The following DAAM1 variants were observed in gnomAD, a reference collection of about 807,000 sequenced individuals.
The protein encoded by DAAM1 is dishevelled associated activator of morphogenesis 1, also known as disheveled-associated activator of morphogenesis 1.
A neutral mutation model predicts 130.0 loss-of-function variants in DAAM1; 52 were observed. The observed-to-expected ratio is 0.40, with a 90% CI of 0.32 to 0.50. The LOEUF (loss-of-function observed/expected upper bound fraction) is 0.50. DAAM1 is among the 20% of genes least tolerant of loss of function. DAAM1 has a pLI of 0.61. For synonymous variants in DAAM1, 452 were observed against 444.5 expected (o/e 1.02, Z -0.21); for missense variants, 1,134 against 1,303.8 (o/e 0.87, Z 2.01).
intron 1 of DAAM1, among the ~76,000 whole-genome samples, chr14:59,218,141 G>GA (rs1888650613): frequency 6.6e-6 from 1 of 151,864 alleles, no homozygotes; most frequent in Non-Finnish European, 1.5e-5. Context: ...TCCAAAAAAA[G>GA]AAAAAAATTC....
At chr14:59,349,597 C>T (rs1411065388) in intron 17 of DAAM1, among the ~76,000 whole-genome samples, 2 of 152,234 alleles carry the variant, frequency 1.3e-5, no homozygotes, top group Non-Finnish European at 1.5e-5. Flanking sequence ...TTTCCTTACT[C>T]CGATTTAGGA....
intron 1 of DAAM1, among the ~76,000 whole-genome samples, chr14:59,249,081 C>T (rs1207823893): frequency 6.6e-6 from 1 of 152,218 alleles, no homozygotes; most frequent in African/African-American, 2.4e-5. Flanking sequence ...GCCACCGCGC[C>T]TGGCCCATCC....
At chr14:59,351,869 C>G (rs1274938307) in intron 17 of DAAM1, among the ~76,000 whole-genome samples, 1 of 152,052 alleles carries the variant, frequency 6.6e-6, no homozygotes, top group Non-Finnish European at 1.5e-5. Context: ...TACAGAAGCA[C>G]TGTTTCAGTT....
intron 3 of DAAM1, among the ~76,000 whole-genome samples, chr14:59,296,544 A>G (rs1883961539): frequency 6.6e-6 from 1 of 152,196 alleles, no homozygotes; most frequent in African/African-American, 2.4e-5. Context: ...ATAGTAATCA[A>G]ATGTTGTCAT....
chr14:59,273,005 G>A (rs1178035948), intron 2 of DAAM1, among the ~76,000 whole-genome samples: 1 of 152,144 alleles, frequency 6.6e-6, no homozygotes, highest in Admixed American at 6.6e-5. Flanking sequence ...CTGTACTTCT[G>A]AATAGAACAT....
intron 2 of DAAM1, among the ~76,000 whole-genome samples, chr14:59,284,662 A>G (rs894238541): frequency 6.6e-6 from 1 of 152,158 alleles, no homozygotes; most frequent in Non-Finnish European, 1.5e-5. Flanking sequence ...CACTACAGGA[A>G]TTTCAAAATA....
intron 16 of DAAM1, among the ~76,000 whole-genome samples, chr14:59,342,896 A>G (rs765939577): frequency 6.6e-6 from 1 of 152,186 alleles, no homozygotes; most frequent in Non-Finnish European, 1.5e-5. Flanking sequence ...AAGATGTGGG[A>G]GGGACATAAG....
intron 1 of DAAM1, among the ~76,000 whole-genome samples, chr14:59,228,060 G>A (rs1165519096): frequency 1.3e-5 from 2 of 151,960 alleles, no homozygotes; most frequent in East Asian, 3.9e-4. Flanking sequence ...AAGAAGTCCT[G>A]GAATTACATG....
chr14:59,207,230 A>G (rs900334446), intron 1 of DAAM1, among the ~76,000 whole-genome samples: 8 of 152,220 alleles, frequency 5.3e-5, no homozygotes, highest in African/African-American at 1.9e-4. Context: ...CGTAAAATGC[A>G]ATGTTTGCTT....
Position 59,370,135 on chromosome 14 carries a change from A to C in DAAM1, c.*1276A>C, listed in dbSNP as rs1167913112. On this transcript the variant is annotated 3_prime_UTR_variant, in exon 25 of 25. Coordinates refer to ENST00000360909, the MANE Select transcript of DAAM1 (RefSeq NM_001270520.2). ...TATGTGATATATAAAGAGGACTGTTACTTTTTTACTTTTTTTTTTTTTTTT... is the reference window on the plus strand; with the variant it reads ...TATGTGATATATAAAGAGGACTGTTCCTTTTTTACTTTTTTTTTTTTTTTT... 1 of 100,966 alleles carries C rather than the reference A, an allele frequency of 9.9e-6. No homozygotes were observed. The highest frequency in any genetic ancestry group is 4.0e-5 in the African/African-American group (1 of 25,098). 6.3% of individuals were successfully genotyped at this position (100,966 alleles called of 1,614,324 possible).
chr14:59,215,957 C>T (rs562086665), intron 1 of DAAM1, among the ~76,000 whole-genome samples: 6 of 152,092 alleles, frequency 3.9e-5, no homozygotes, highest in Non-Finnish European at 8.8e-5. Context: ...TCTTGCTGAG[C>T]GGGACCATAT....
At chr14:59,229,744 A>G (rs977224837) in intron 1 of DAAM1, among the ~76,000 whole-genome samples, 1 of 152,208 alleles carries the variant, frequency 6.6e-6, no homozygotes, top group African/African-American at 2.4e-5. Flanking sequence ...AATTAAGTAG[A>G]AGGAGGCTTA....
At chr14:59,245,453 G>T (rs1881327975) in intron 1 of DAAM1, among the ~76,000 whole-genome samples, 1 of 152,150 alleles carries the variant, frequency 6.6e-6, no homozygotes, top group Non-Finnish European at 1.5e-5. Context: ...ATTTATTCCT[G>T]TGGAGTCAAA....
chr14:59,221,604 A>G (rs1166221368), intron 1 of DAAM1, among the ~76,000 whole-genome samples: 1 of 152,174 alleles, frequency 6.6e-6, no homozygotes, highest in Non-Finnish European at 1.5e-5. Flanking sequence ...TGGGCATGGT[A>G]ATACTAAGAG....
At chr14:59,245,724 G>C (rs1194423617) in intron 1 of DAAM1, among the ~76,000 whole-genome samples, 3 of 152,152 alleles carry the variant, frequency 2.0e-5, no homozygotes, top group African/African-American at 7.2e-5. Flanking sequence ...TGAATGGTTT[G>C]GTAGCTTTTC....
chr14:59,208,333 G>T (rs1317171494), intron 1 of DAAM1, among the ~76,000 whole-genome samples: 6 of 152,132 alleles, frequency 3.9e-5, no homozygotes, highest in African/African-American at 1.4e-4. Flanking sequence ...TTCCTTATGA[G>T]CCTTTAACCA....
At chr14:59,318,101 G>T (rs1178034355) in intron 4 of DAAM1, among the ~76,000 whole-genome samples, 1 of 152,100 alleles carries the variant, frequency 6.6e-6, no homozygotes. Flanking sequence ...TGATCTGTTG[G>T]CTTTTAAAGA....
In DAAM1 at chr14:59,289,783, T is replaced by TATATATATATATATATATAA. The variant is rs966292211; in HGVS notation, c.184-1433_184-1432insTATATATATATATATATAAA. On this transcript the variant is annotated intron_variant, in intron 2 of 24. Transcript: ENST00000360909. ...ACAAAATGTGATATATATATATATA[T>TATATATATATATATATATAA]AATGGAATGCTATGCAATCATAAAA... Among the ~76,000 whole-genome samples the TATATATATATATATATATAA allele has an allele frequency of 8.0e-3, 1,080 of 135,196 alleles. 50 individuals are homozygous for TATATATATATATATATATAA. The highest frequency in any genetic ancestry group is 0.014 in the Non-Finnish European group (837 of 59,482). The allele number at this position is 135,196 out of a possible 152,430, so 88.7% of individuals were successfully genotyped here. A position where few individuals can be genotyped will look rare whatever the true frequency, so the allele number is the denominator to read the frequency against.
chr14:59,262,116 ATCTAAATGTATCCACTAT>A (rs1314120430), intron 1 of DAAM1, among the ~76,000 whole-genome samples: 6 of 151,790 alleles, frequency 4.0e-5, no homozygotes, highest in African/African-American at 1.5e-4. Flanking sequence ...ACAGTTACAC[ATCTAAATGTATCCACTAT>A]TCTTAAAAAA....
Sources: gnomAD v4.1 joint callset for allele counts (sites outside exome capture counted in the v4.1 genomes callset) on GRCh38, gnomAD v4.1.1 for gene constraint, MANE v1.5 for transcripts, NCBI Gene and HGNC (gene_info 2026-07-23, HGNC 2026-07-21) for gene names.